The following TMEM123 variants were observed in gnomAD, a reference collection of about 807,000 sequenced individuals.
TMEM123 encodes the protein transmembrane protein 123.
In TMEM123, 16 loss-of-function variants were observed where a neutral mutation model predicts 19.7. That is an observed-to-expected ratio of 0.81 (90% CI 0.55 to 1.23). The LOEUF is 1.23. TMEM123 is among the 50% of genes most tolerant of loss of function. The probability of loss-of-function intolerance (pLI) is 0.00; values close to 1 mark genes in which losing one functional copy is unlikely to be tolerated. For synonymous variants in TMEM123, 118 were observed against 99.4 expected, an observed-to-expected ratio of 1.19 and a Z score of -1.12; for missense variants, 313 against 257.8, an observed-to-expected ratio of 1.21 and a Z score of -1.47.
chr11:102,452,260 GCACCCGT>G, intron 1 of TMEM123: 2 of 363,634 alleles, frequency 5.5e-6, no homozygotes, highest in Non-Finnish European at 9.9e-6. Flanking sequence ...CAGGTTATGC[GCACCCGT>G]CCCGGCCTGC....
intron 2 of TMEM123, among the ~76,000 whole-genome samples, chr11:102,423,931 T>TA (rs1952105285): frequency 6.6e-6 from 1 of 152,210 alleles, no homozygotes; most frequent in Non-Finnish European, 1.5e-5. Context: ...ATCAAGATTT[T>TA]AAAAAATATA....
chr11:102,418,047 G>A, intron 2 of TMEM123, among the ~76,000 whole-genome samples: 1 of 139,396 alleles, frequency 7.2e-6, no homozygotes, highest in African/African-American at 2.7e-5. Flanking sequence ...AAAAACCCTA[G>A]AAGACAGGAA....
intron 4 of TMEM123, among the ~76,000 whole-genome samples, chr11:102,400,065 A>G (rs1293452972): frequency 6.6e-6 from 1 of 152,234 alleles, no homozygotes; most frequent in Non-Finnish European, 1.5e-5. Context: ...TGCGATGTTT[A>G]TTTAGAGCTT....
Position 102,398,715 on chromosome 11 carries a change from T to G in TMEM123, c.*152A>C, listed in dbSNP as rs1387546995. The G allele has an allele frequency of 5.4e-6, 4 of 734,630 alleles. No homozygotes were observed. The highest frequency in any genetic ancestry group is 8.7e-6 in the Non-Finnish European group (4 of 458,930). 45.5% of individuals were successfully genotyped at this position (734,630 alleles called of 1,614,324 possible). A position where few individuals can be genotyped will look rare whatever the true frequency, so the allele number is the denominator to read the frequency against. On this transcript the variant is annotated 3_prime_UTR_variant, in exon 5 of 5. Coordinates refer to ENST00000398136, the MANE Select transcript of TMEM123 (RefSeq NM_052932.3). The stretch of plus-strand genomic sequence containing the variant: ...CCCAAACCCTTGTTACCTTGAAGAA[T>G]CTTTACATATTTACGTAATACACTG...
At chr11:102,412,194 C>T (rs762516617) in intron 2 of TMEM123, among the ~76,000 whole-genome samples, 1 of 152,118 alleles carries the variant, frequency 6.6e-6, no homozygotes, top group Non-Finnish European at 1.5e-5. Context: ...CTTTGGGAGG[C>T]CCAAGGGAGG....
At position 102,408,425 on chromosome 11, in the gene TMEM123, A is replaced by C. The variant is rs191645325; in HGVS notation, c.158-6219T>G. ...TCTTTTTACCAAGCCTGGTAATGTT[A>C]CCTAGGCATGGTGAGTATAAGCTCA... On this transcript the variant is annotated intron_variant, in intron 2 of 4. Transcript: ENST00000398136. 3.1e-4 allele frequency among the ~76,000 whole-genome samples: 47 copies of C among 152,272 alleles called. 1 individual carries two copies. Among genetic ancestry groups the C allele is most frequent in the Admixed American group, 2.7e-3 (41 of 15,304 alleles).
chr11:102,426,691 G>A (rs1241425951), intron 2 of TMEM123, among the ~76,000 whole-genome samples: 1 of 152,130 alleles, frequency 6.6e-6, no homozygotes, highest in East Asian at 1.9e-4. Context: ...CTACTGCAAA[G>A]AAGTTAGAAA....
At chr11:102,425,963 C>T (rs532764358) in intron 2 of TMEM123, among the ~76,000 whole-genome samples, 3 of 152,206 alleles carry the variant, frequency 2.0e-5, no homozygotes, top group African/African-American at 7.2e-5. Context: ...AGCATACTGG[C>T]CTTTTACTAT....
At chr11:102,431,548 C>A (rs1351703232) in intron 2 of TMEM123, among the ~76,000 whole-genome samples, 1 of 152,126 alleles carries the variant, frequency 6.6e-6, no homozygotes, top group Admixed American at 6.5e-5. Flanking sequence ...CCCTTTTTCC[C>A]CACCCTGCAG....
At chr11:102,423,127 G>A (rs1299057364) in intron 2 of TMEM123, among the ~76,000 whole-genome samples, 2 of 152,086 alleles carry the variant, frequency 1.3e-5, no homozygotes, top group East Asian at 3.8e-4. Context: ...CACAAATGGG[G>A]GCATGGCTAA....
Position 102,401,683 on chromosome 11 carries a change from G to A in TMEM123, c.458C>T (p.Thr153Ile). 6.3e-7 allele frequency: 1 copy of A among 1,589,172 alleles called. No individual in the cohort carries two copies. The highest frequency in any genetic ancestry group is 8.5e-7 in the Non-Finnish European group (1 of 1,174,284). The change falls in exon 4 of 5, where the codon ACT (threonine) becomes ATT (isoleucine). Residue 153 changes from threonine (T) to isoleucine (I), a missense_variant. Physicochemically the swap from Thr to Ile is moderately conservative, Grantham distance 89 (BLOSUM62 -1). Transcript: ENST00000398136. ...TCCTTTCTTTGCTTCAGAATGCATAGTTGTTGTGACTAGAACAAAAGAAAA... is the reference window on the plus strand; with the variant it reads ...TCCTTTCTTTGCTTCAGAATGCATAATTGTTGTGACTAGAACAAAAGAAAA... ...SAASSVTITT[T>I]MHSEAKKGSK...
At chr11:102,401,402 A>G (rs524930) in intron 4 of TMEM123, 137 bp downstream of exon 4, 2 of 754,594 alleles carry the variant, frequency 2.7e-6, no homozygotes, top group African/African-American at 1.8e-5. Flanking sequence ...ACTTTGGGCC[A>G]AAAGGGTTAA....
chr11:102,452,673 C>A lies in TMEM123; in HGVS notation c.-50G>T. The A allele has an allele frequency of 7.3e-7, 1 of 1,364,552 alleles. No individual in the cohort carries two copies. The highest frequency in any genetic ancestry group is 1.6e-5 in the South Asian group (1 of 64,120). 84.5% of individuals were successfully genotyped at this position (1,364,552 alleles called of 1,614,324 possible). A position where few individuals can be genotyped will look rare whatever the true frequency, so the allele number is the denominator to read the frequency against. On this transcript the variant is annotated 5_prime_UTR_variant, in exon 1 of 5. Transcript: ENST00000398136. ...CCTCGTGGGCTCCCAGCCGAGGTGG[C>A]GGCGGCGAGAGCGGCTCCTCTGCGC...
Position 102,396,692 on chromosome 11 carries a change from A to G in TMEM123, c.*2175T>C, listed in dbSNP as rs1040449381. On this transcript the variant is annotated 3_prime_UTR_variant, in exon 5 of 5. Coordinates refer to ENST00000398136, the MANE Select transcript of TMEM123 (RefSeq NM_052932.3). ...TGCATAACCATTTCCCTCAATTTTT[A>G]TAGATAACAACAACAAAAAAACCTA... 5.9e-5 allele frequency: 9 copies of G among 152,184 alleles called. No individual in the cohort carries two copies. Among genetic ancestry groups the G allele is most frequent in the African/African-American group, 1.9e-4 (8 of 41,446 alleles). 9.4% of individuals were successfully genotyped at this position (152,184 alleles called of 1,614,324 possible).
chr11:102,420,818 C>A (rs1425076172), intron 2 of TMEM123, among the ~76,000 whole-genome samples: 1 of 152,078 alleles, frequency 6.6e-6, no homozygotes, highest in Non-Finnish European at 1.5e-5. Context: ...GAGGCCAAGG[C>A]GGGTGGGTCA....
intron 2 of TMEM123, among the ~76,000 whole-genome samples, chr11:102,425,329 C>T (rs1241317928): frequency 2.0e-5 from 3 of 152,190 alleles, no homozygotes; most frequent in Non-Finnish European, 2.9e-5. Context: ...CAGATGGTTA[C>T]GGTCCACTGT....
intron 1 of TMEM123, among the ~76,000 whole-genome samples, chr11:102,449,765 CATT>C (rs1857920152): frequency 6.6e-6 from 1 of 152,192 alleles, no homozygotes; most frequent in Non-Finnish European, 1.5e-5. Context: ...CAATTGCCAA[CATT>C]ATTAGGTGCT....
In TMEM123 at chr11:102,429,463, G is replaced by A. The variant is rs139846267; in HGVS notation, c.157+19349C>T. Among the ~76,000 whole-genome samples, 1,331 of 152,204 alleles carry A rather than the reference G, an allele frequency of 8.7e-3. 9 individuals carry two copies. Among genetic ancestry groups the A allele is most frequent in the Non-Finnish European group, 0.014 (940 of 68,002 alleles). ...AGACTACTGAAAGGCAAGTTTTGGC[G>A]TACAAAATGAAGTTTCTAAAATGAG... On this transcript the variant is annotated intron_variant, in intron 2 of 4. Coordinates refer to ENST00000398136, the MANE Select transcript of TMEM123 (RefSeq NM_052932.3).
chr11:102,452,382 C>T (rs1857951365), intron 1 of TMEM123, 142 bp downstream of exon 1: 3 of 661,148 alleles, frequency 4.5e-6, no homozygotes, highest in South Asian at 4.5e-5. Context: ...TCCCCCACCC[C>T]GCCCGGTCAC....
Sources: allele counts gnomAD v4.1 joint callset (sites outside exome capture counted in the v4.1 genomes callset), GRCh38; gene constraint gnomAD v4.1.1; transcripts MANE v1.5; gene names NCBI Gene and HGNC (gene_info 2026-07-23, HGNC 2026-07-21).